WASF3: variants seen among roughly 807,000 people sequenced by gnomAD.
The protein encoded by WASF3 is WASP family member 3.
In WASF3, 11 loss-of-function variants were observed where a neutral mutation model predicts 46.6. The observed-to-expected ratio is 0.24, with a 90% CI of 0.15 to 0.39. The LOEUF is 0.39. WASF3 is among the 10% of genes least tolerant of loss of function. The pLI is 1.00. For missense variants in WASF3, 576 were observed against 669.8 expected (o/e 0.86, Z 1.55); for synonymous variants, 242 against 259.7 (o/e 0.93, Z 0.65).
At chr13:26,566,438 G>C (rs1394526967) in intron 1 of WASF3, among the ~76,000 whole-genome samples, 1 of 152,158 alleles carries the variant, frequency 6.6e-6, no homozygotes, top group African/African-American at 2.4e-5. Flanking sequence ...ATCAAAACCT[G>C]TACTATCAAT....
intron 4 of WASF3, among the ~76,000 whole-genome samples, chr13:26,665,995 A>G (rs1882759966): frequency 6.6e-6 from 1 of 152,208 alleles, no homozygotes; most frequent in Non-Finnish European, 1.5e-5. Context: ...TCTATAGAGT[A>G]GTATTGGTAA....
intron 1 of WASF3, among the ~76,000 whole-genome samples, chr13:26,606,352 G>GTA: frequency 6.7e-6 from 1 of 149,972 alleles, no homozygotes; most frequent in Non-Finnish European, 1.5e-5. Context: ...GTGTGTGTGT[G>GTA]TGTGTGTGTG....
chr13:26,685,126 A>G (rs1001736547), intron 9 of WASF3, among the ~76,000 whole-genome samples: 2 of 152,092 alleles, frequency 1.3e-5, no homozygotes, highest in African/African-American at 4.8e-5. Context: ...TAAATCATCA[A>G]ATATCTTACT....
chr13:26,574,877 C>T (rs1879746948), intron 1 of WASF3, among the ~76,000 whole-genome samples: 1 of 150,826 alleles, frequency 6.6e-6, no homozygotes, highest in Non-Finnish European at 1.5e-5. Flanking sequence ...CGCTGTGTCA[C>T]CCAGGCTGGA....
intron 3 of WASF3, among the ~76,000 whole-genome samples, chr13:26,664,596 A>G (rs1041426320): frequency 1.3e-5 from 2 of 152,270 alleles, no homozygotes; most frequent in African/African-American, 4.8e-5. Context: ...TTAGGCACAA[A>G]TAAAATATCT....
At chr13:26,620,452 T>G (rs1881271940) in intron 2 of WASF3, 2 of 152,216 alleles carry the variant, frequency 1.3e-5, no homozygotes, top group Non-Finnish European at 2.9e-5. Flanking sequence ...TTTATTTAAC[T>G]TTAAAAAGTC....
chr13:26,565,930 C>CA (rs962376649), intron 1 of WASF3, among the ~76,000 whole-genome samples: 2 of 151,186 alleles, frequency 1.3e-5, no homozygotes, highest in South Asian at 2.1e-4. Flanking sequence ...TCCCACCCCT[C>CA]AAAAAAAAAT....
At chr13:26,570,935 G>A (rs1879614938) in intron 1 of WASF3, among the ~76,000 whole-genome samples, 2 of 152,108 alleles carry the variant, frequency 1.3e-5, no homozygotes, top group South Asian at 2.1e-4. Context: ...GTGAGTGCCC[G>A]TTTCTTTATA....
At position 26,577,297 on chromosome 13, in the gene WASF3, G is replaced by A. The variant is rs1184885294; in HGVS notation, c.-109+19478G>A. The A allele has an allele frequency of 8.4e-5, 63 of 746,824 alleles. No individual in the cohort carries two copies. In the East Asian group the frequency reaches 1.5e-3, roughly 18 times the overall value. 46.3% of individuals were successfully genotyped at this position (746,824 alleles called of 1,614,324 possible). On this transcript the variant is annotated intron_variant, in intron 1 of 9. Transcript: ENST00000335327. ...GATGGTTACTTGCTTTGTCTGTTCT[G>A]TGTTGGTTTTCCTAAAAACAATGTA... is the stretch of plus-strand genomic sequence containing the variant.
chr13:26,642,219 A>G (rs1882018333), intron 2 of WASF3, 42 bp from the exon 3 acceptor site: 3 of 1,445,840 alleles, frequency 2.1e-6, no homozygotes, highest in African/African-American at 1.5e-5. Flanking sequence ...ATTTGTTAAA[A>G]TGTGAATATG....
At chr13:26,590,373 T>A (rs1880254666) in intron 1 of WASF3, among the ~76,000 whole-genome samples, 1 of 152,222 alleles carries the variant, frequency 6.6e-6, no homozygotes, top group Admixed American at 6.5e-5. Flanking sequence ...TAGTTTTGAA[T>A]TTTGACCTTT....
At position 26,665,092 on chromosome 13, in the gene WASF3, A is replaced by G. The variant is rs1301494045; in HGVS notation, c.198A>G (p.Ala66=). Residue 66 remains alanine (A), a synonymous_variant, in exon 4 of 10, where the codon GCA becomes GCG. Coordinates refer to ENST00000335327, the MANE Select transcript of WASF3 (RefSeq NM_006646.6). ...FNEANNFYIR[A]NSLQDRIDRL... is the part of the protein sequence containing the mutation. ...AGGCTAACAACTTCTACATCAGAGC[A>G]AATTCTCTTCAAGACAGAATTGATC... The G allele has an allele frequency of 7.4e-6, 12 of 1,614,086 alleles. No individual in the cohort carries two copies. The highest frequency in any genetic ancestry group is 1.0e-5 in the Non-Finnish European group (12 of 1,180,020).
intron 1 of WASF3, among the ~76,000 whole-genome samples, chr13:26,604,561 A>G (rs945893702): frequency 6.6e-6 from 1 of 152,214 alleles, no homozygotes; most frequent in Non-Finnish European, 1.5e-5. Context: ...GGTTGATAAA[A>G]ATAAATGTAT....
chr13:26,608,226 G>C (rs181281422), intron 1 of WASF3, among the ~76,000 whole-genome samples: 1 of 152,040 alleles, frequency 6.6e-6, no homozygotes, highest in African/African-American at 2.4e-5. Context: ...CTTTTTCTTT[G>C]TATTTTACTA....
intron 2 of WASF3, among the ~76,000 whole-genome samples, chr13:26,628,795 G>A (rs868513790): frequency 2.0e-5 from 3 of 152,212 alleles, no homozygotes; most frequent in Non-Finnish European, 2.9e-5. Context: ...AGAATGGGAA[G>A]CACAAAGTTC....
Position 26,631,348 on chromosome 13 carries a change from A to G in WASF3, c.-10-10913A>G, listed in dbSNP as rs558284030. On this transcript the variant is annotated intron_variant, in intron 2 of 9. Transcript: ENST00000335327. ...TAATCTGTCTTGAGTTAATTTTTGT[A>G]TAAGGTATAAGGAAGGGATCCAGTT... Among the ~76,000 whole-genome samples, 31 of 152,094 alleles carry G rather than the reference A, an allele frequency of 2.0e-4. No individual in the cohort carries two copies. The East Asian group carries it at 3.1e-3, about 15-fold the overall frequency.
At chr13:26,574,319 A>G (rs1389448038) in intron 1 of WASF3, among the ~76,000 whole-genome samples, 1 of 151,922 alleles carries the variant, frequency 6.6e-6, no homozygotes, top group Non-Finnish European at 1.5e-5. Flanking sequence ...AGTGTGTTTT[A>G]TTTATGGTGT....
rs187503455 is a variant in WASF3 at position 26,588,491 on chromosome 13, G to A, written c.-108-24470G>A. Among the ~76,000 whole-genome samples, 28 of 152,334 alleles carry A rather than the reference G, an allele frequency of 1.8e-4. No individual in the cohort carries two copies. In the East Asian group the frequency reaches 5.2e-3, roughly 28 times the overall value. On this transcript the variant is annotated intron_variant, in intron 1 of 9. Transcript: ENST00000335327. The stretch of plus-strand genomic sequence containing the variant: ...AGCTGTGGCCAGGAGGTTGGGGTAA[G>A]AGATTAAACCTTACTTGTGTTTTTA...
intron 1 of WASF3, among the ~76,000 whole-genome samples, chr13:26,611,070 C>T (rs1164897809): frequency 9.0e-6 from 1 of 110,882 alleles, no homozygotes; most frequent in Non-Finnish European, 1.8e-5. Context: ...TGGGGTTTTG[C>T]CGTGTTGCCC....
Sources: gnomAD v4.1 joint callset for allele counts (sites outside exome capture counted in the v4.1 genomes callset) on GRCh38, gnomAD v4.1.1 for gene constraint, MANE v1.5 for transcripts, NCBI Gene and HGNC (gene_info 2026-07-23, HGNC 2026-07-21) for gene names.